Variants in LAMC1 observed in about 807,000 individuals in gnomAD.
LAMC1 encodes the protein laminin subunit gamma-1.
Under a neutral mutation model 173.6 loss-of-function variants are expected in LAMC1, and 38 were observed. That is an observed-to-expected ratio of 0.22 (90% CI 0.17 to 0.29). The LOEUF (loss-of-function observed/expected upper bound fraction) is 0.29, where lower values mean the gene tolerates loss of function less well. Among genes scored for constraint, LAMC1 ranks in the 10% least tolerant of loss-of-function variants. The probability of loss-of-function intolerance (pLI) is 1.00; values close to 1 mark genes in which losing one functional copy is unlikely to be tolerated. For missense variants in LAMC1, 1,824 were observed against 2,051.8 expected (o/e 0.89, Z 2.14); for synonymous variants, 746 against 749.1 (o/e 1.00, Z 0.07).
At chr1:183,100,755 A>G (rs1402865553) in intron 1 of LAMC1, among the ~76,000 whole-genome samples, 2 of 151,842 alleles carry the variant, frequency 1.3e-5, no homozygotes, top group African/African-American at 2.4e-5. Context: ...GTTGACTGCA[A>G]CTCTGAGGGT....
At chr1:183,028,956 C>G (rs1438782523) in intron 1 of LAMC1, among the ~76,000 whole-genome samples, 4 of 152,168 alleles carry the variant, frequency 2.6e-5, no homozygotes, top group Non-Finnish European at 5.9e-5. Flanking sequence ...AAACTAAATT[C>G]ACTCCTTGTT....
rs1052748221 is a variant in LAMC1, at chr1:183,131,455, GTGTGTATT to G, written c.3566+78_3566+85del. ...TGTGTGTGTGTGTGTGTGTGTGTGTGTGTGTATTGTCTTATCCCATAACCCATAAACAC... is the reference window on the plus strand; with the variant it reads ...TGTGTGTGTGTGTGTGTGTGTGTGTGGTCTTATCCCATAACCCATAAACAC... On this transcript the variant is annotated intron_variant, in intron 20 of 27. Transcript: ENST00000258341. 9.9e-5 allele frequency: 102 copies of G among 1,027,876 alleles called. 1 individual carries two copies. The highest frequency in any genetic ancestry group is 9.2e-4 in the Admixed American group (53 of 57,498). The allele number at this position is 1,027,876 out of a possible 1,614,324, so 63.7% of individuals were successfully genotyped here.
chr1:183,055,849 G>A (rs1429782072), intron 1 of LAMC1, among the ~76,000 whole-genome samples: 1 of 152,060 alleles, frequency 6.6e-6, no homozygotes, highest in African/African-American at 2.4e-5. Context: ...GGCATTAATA[G>A]TGTTTATGTG....
intron 1 of LAMC1, among the ~76,000 whole-genome samples, chr1:183,035,067 A>G (rs946743311): frequency 1.3e-5 from 2 of 152,212 alleles, no homozygotes; most frequent in Non-Finnish European, 2.9e-5. Context: ...GAGGAGTAAA[A>G]TGAGAGTGCT....
intron 1 of LAMC1, among the ~76,000 whole-genome samples, chr1:183,084,077 GGGCGCTGT>G (rs1655359694): frequency 6.6e-6 from 1 of 152,198 alleles, no homozygotes; most frequent in South Asian, 2.1e-4. Flanking sequence ...ATTATTGGCT[GGGCGCTGT>G]GGCTCATGCC....
At chr1:183,113,543 T>C (rs533322161) in intron 4 of LAMC1, among the ~76,000 whole-genome samples, 39 of 152,224 alleles carry the variant, frequency 2.6e-4, no homozygotes, top group Non-Finnish European at 4.6e-4. Context: ...GGAATTTTTG[T>C]GACTACAGAT....
In LAMC1 at chr1:183,107,365, T is replaced by G. The variant is rs114248678; in HGVS notation, c.724-911T>G. ...GTAGGGGTAGCAATGTTAGATAAGG[T>G]GGCCAGGGAAGGCCTCAGAGAGAAG... is the stretch of plus-strand genomic sequence containing the variant. On this transcript the variant is annotated intron_variant, in intron 2 of 27. Transcript: ENST00000258341. Among the ~76,000 whole-genome samples the G allele has an allele frequency of 4.9e-3, 749 of 152,092 alleles. 2 individuals carry two copies. Among genetic ancestry groups the G allele is most frequent in the African/African-American group, 0.016 (683 of 41,496 alleles).
chr1:183,122,980 C>A (rs1021516373), intron 13 of LAMC1, among the ~76,000 whole-genome samples: 5 of 152,190 alleles, frequency 3.3e-5, no homozygotes. Context: ...CCTTACACTC[C>A]GTGCTGATTT....
chr1:183,086,771 T>A (rs931054207), intron 1 of LAMC1, among the ~76,000 whole-genome samples: 1 of 152,224 alleles, frequency 6.6e-6, no homozygotes, highest in South Asian at 2.1e-4. Context: ...GTCAGAAAAT[T>A]ACTTAAGTCT....
At chr1:183,130,277 G>C in intron 18 of LAMC1, 67 bp from the exon 19 acceptor site, 1 of 1,385,294 alleles carries the variant, frequency 7.2e-7, no homozygotes, top group African/African-American at 1.4e-5. Flanking sequence ...TAGGGCCTCA[G>C]ATTTCATGTG....
At chr1:183,100,056 G>C (rs775285281) in intron 1 of LAMC1, among the ~76,000 whole-genome samples, 2 of 152,182 alleles carry the variant, frequency 1.3e-5, no homozygotes, top group African/African-American at 2.4e-5. Context: ...CTTTGACAAT[G>C]AAACAGGGTA....
chr1:183,131,003 C>T (rs984194321), intron 19 of LAMC1, among the ~76,000 whole-genome samples: 9 of 151,904 alleles, frequency 5.9e-5, no homozygotes, highest in African/African-American at 2.2e-4. Context: ...GGAGAAACCC[C>T]GTCTCTACTA....
intron 1 of LAMC1, among the ~76,000 whole-genome samples, chr1:183,059,070 G>C (rs569638938): frequency 2.6e-5 from 4 of 152,298 alleles, no homozygotes; most frequent in African/African-American, 9.6e-5. Flanking sequence ...TGCTTCTATT[G>C]TGTTCCCTGC....
chr1:183,083,628 G>A (rs991637980), intron 1 of LAMC1, among the ~76,000 whole-genome samples: 1 of 152,052 alleles, frequency 6.6e-6, no homozygotes, highest in Non-Finnish European at 1.5e-5. Context: ...TTTTTAAAAA[G>A]GTTTTTGCCA....
intron 1 of LAMC1, among the ~76,000 whole-genome samples, chr1:183,078,678 A>G (rs1655182530): frequency 6.6e-6 from 1 of 152,104 alleles, no homozygotes; most frequent in Non-Finnish European, 1.5e-5. Context: ...CATGTAATTC[A>G]TGTAAGAAAT....
In LAMC1 at chr1:183,038,370, A is replaced by G. The variant is rs531124283; in HGVS notation, c.418+14236A>G. Among the ~76,000 whole-genome samples the G allele has an allele frequency of 3.9e-5, 6 of 152,234 alleles. No homozygotes were observed. The South Asian group carries it at 1.2e-3, about 32-fold the overall frequency. ...GCCCTTGCTCAGTTTCCTTTCTTAC[A>G]GGGAGAGTGGGTGGCACCCTGTGCT... On this transcript the variant is annotated intron_variant, in intron 1 of 27. Transcript: ENST00000258341.
At chr1:183,131,433 G>GTA (rs1553258266) in intron 20 of LAMC1, 55 bp downstream of exon 20, 1 of 916,462 alleles carries the variant, frequency 1.1e-6, no homozygotes, top group Non-Finnish European at 1.8e-6. Context: ...TATGGGGTGT[G>GTA]TGTGTGTGTG....
rs527269225 is a variant in LAMC1 at position 183,137,992 on chromosome 1, G to T, written c.4473+165G>T. On this transcript the variant is annotated intron_variant, in intron 26 of 27. Coordinates refer to ENST00000258341, the MANE Select transcript of LAMC1 (RefSeq NM_002293.4). Reference sequence around the variant, plus strand: ...AGCTTACATAGAAGACAAAGAATTTGGATCTTCTGCCAGGTAATTTTGTTG... The same window carrying T: ...AGCTTACATAGAAGACAAAGAATTTTGATCTTCTGCCAGGTAATTTTGTTG... 1.7e-4 allele frequency: 108 copies of T among 631,830 alleles called. No individual in the cohort carries two copies. In the East Asian group the frequency reaches 3.3e-3, roughly 19 times the overall value. 39.1% of individuals were successfully genotyped at this position (631,830 alleles called of 1,614,324 possible). A position where few individuals can be genotyped will look rare whatever the true frequency, so the allele number is the denominator to read the frequency against.
intron 13 of LAMC1, among the ~76,000 whole-genome samples, chr1:183,124,407 A>G (rs993261607): frequency 1.3e-5 from 2 of 152,236 alleles, no homozygotes; most frequent in Non-Finnish European, 2.9e-5. Context: ...AAAGTGAAGT[A>G]GGCAGACCAG....
Sources: gnomAD v4.1 joint callset for allele counts (sites outside exome capture counted in the v4.1 genomes callset) on GRCh38, gnomAD v4.1.1 for gene constraint, MANE v1.5 for transcripts, NCBI Gene and HGNC (gene_info 2026-07-23, HGNC 2026-07-21) for gene names.